PVT1: variants seen among roughly 807,000 people sequenced by gnomAD.
The protein encoded by PVT1 is CXCR4/PVT1 fusion.
intron 3 of PVT1, among the ~76,000 whole-genome samples, chr8:127,927,737 T>C (rs1468924652): frequency 1.3e-5 from 2 of 152,224 alleles, no homozygotes; most frequent in African/African-American, 4.8e-5. Context: ...AAGTCATCTG[T>C]AAGCCGTGCT....
intron 2 of PVT1, among the ~76,000 whole-genome samples, chr8:127,830,760 G>T (rs1563616418): frequency 1.3e-5 from 2 of 152,096 alleles, no homozygotes; most frequent in Non-Finnish European, 2.9e-5. Context: ...GAGTCAGTGG[G>T]CTGGGGAAGG....
At chr8:128,036,405 G>A (rs1013936368) in intron 4 of PVT1, among the ~76,000 whole-genome samples, 8 of 152,170 alleles carry the variant, frequency 5.3e-5, no homozygotes, top group African/African-American at 7.2e-5. Flanking sequence ...GAAGGCACTG[G>A]ATGCTGGAGA....
At chr8:127,970,301 T>TTTTTTTTTG (rs1816750970) in intron 3 of PVT1, among the ~76,000 whole-genome samples, 2 of 124,314 alleles carry the variant, frequency 1.6e-5, no homozygotes, top group African/African-American at 6.0e-5. Flanking sequence ...TTTTTTTTTT[T>TTTTTTTTTG]TTTTTTTTTT....
At chr8:128,012,378 A>G (rs1052003835) in intron 4 of PVT1, among the ~76,000 whole-genome samples, 3 of 152,180 alleles carry the variant, frequency 2.0e-5, no homozygotes, top group African/African-American at 7.2e-5. Context: ...TGGTAAATTC[A>G]TCAACATCAA....
At chr8:127,799,083 GT>G (rs944953004) in intron 2 of PVT1, among the ~76,000 whole-genome samples, 7 of 148,720 alleles carry the variant, frequency 4.7e-5, no homozygotes, top group South Asian at 2.1e-4. Context: ...CGAACTATCT[GT>G]TTTTTTTTTC....
chr8:128,008,022 G>A (rs1586478881), intron 4 of PVT1, among the ~76,000 whole-genome samples: 1 of 152,184 alleles, frequency 6.6e-6, no homozygotes, highest in East Asian at 1.9e-4. Flanking sequence ...ACTTTAGGGA[G>A]AAATTTATTA....
chr8:127,823,964 G>A (rs570584875), intron 2 of PVT1, among the ~76,000 whole-genome samples: 19 of 152,296 alleles, frequency 1.2e-4, no homozygotes, highest in Admixed American at 6.5e-4. Flanking sequence ...AGGCTGAGGC[G>A]GGAGGATCTC....
At chr8:127,856,045 C>T (rs1019576702) in intron 2 of PVT1, among the ~76,000 whole-genome samples, 9 of 152,194 alleles carry the variant, frequency 5.9e-5, no homozygotes, top group Non-Finnish European at 4.4e-5. Flanking sequence ...ATTTCTTGTG[C>T]CTACATCTTT....
intron 2 of PVT1, among the ~76,000 whole-genome samples, chr8:127,808,361 T>G (rs1814551964): frequency 6.6e-6 from 1 of 152,198 alleles, no homozygotes; most frequent in Non-Finnish European, 1.5e-5. Context: ...TCTTTAAATT[T>G]CTTTCAAAAC....
intron 2 of PVT1, among the ~76,000 whole-genome samples, chr8:127,801,912 A>G (rs1814469267): frequency 6.6e-6 from 1 of 151,324 alleles, no homozygotes; most frequent in African/African-American, 2.4e-5. Context: ...TTATTTATTT[A>G]TTTATTTATT....
At chr8:128,101,044 A>C (rs1354243602) in intron 6 of PVT1, 2 of 152,140 alleles carry the variant, frequency 1.3e-5, no homozygotes, top group African/African-American at 4.8e-5. Flanking sequence ...GAAGCAATTC[A>C]GCCCAACAGG....
At chr8:127,950,743 G>C (rs1816496480) in intron 3 of PVT1, among the ~76,000 whole-genome samples, 1 of 152,178 alleles carries the variant, frequency 6.6e-6, no homozygotes, top group African/African-American at 2.4e-5. Context: ...TCACACTCAA[G>C]ATTCAGGTGC....
At position 127,984,715 on chromosome 8, in the gene PVT1, T is replaced by A. The variant is rs146184753; in HGVS notation, n.783-4447T>A. Among the ~76,000 whole-genome samples, 391 of 152,228 alleles carry A rather than the reference T, an allele frequency of 2.6e-3. 10 individuals are homozygous for A. The East Asian group carries it at 0.062, about 24-fold the overall frequency. ...TCTGCCTCCCAGGTTCAAACAATTC[T>A]CCTGCCTCAGCCACCCAAGCAGTTG... On this transcript the variant is annotated intron_variant and non_coding_transcript_variant, in intron 3 of 10. Transcript: ENST00000651587.
intron 5 of PVT1, among the ~76,000 whole-genome samples, chr8:128,095,231 A>G (rs1374521096): frequency 6.6e-6 from 1 of 152,170 alleles, no homozygotes; most frequent in Non-Finnish European, 1.5e-5. Context: ...TGTGCCCCTC[A>G]CAAGTTCTAG....
At chr8:127,835,095 G>T (rs954731612) in intron 2 of PVT1, among the ~76,000 whole-genome samples, 13 of 151,894 alleles carry the variant, frequency 8.6e-5, no homozygotes, top group African/African-American at 3.1e-4. Flanking sequence ...CCAATTACTG[G>T]GTATATACCC....
chr8:127,883,962 A>G (rs1815497724), intron 2 of PVT1, among the ~76,000 whole-genome samples: 1 of 152,274 alleles, frequency 6.6e-6, no homozygotes, highest in African/African-American at 2.4e-5. Context: ...TTGACATTCC[A>G]GCAAACATAT....
chr8:127,998,328 T>G (rs967053753), intron 4 of PVT1: 1 of 152,216 alleles, frequency 6.6e-6, no homozygotes, highest in Admixed American at 6.5e-5. Context: ...TCTCTCCTAT[T>G]TATTTATTTA....
intron 2 of PVT1, among the ~76,000 whole-genome samples, chr8:127,802,064 C>T (rs1017117600): frequency 6.6e-6 from 1 of 151,796 alleles, no homozygotes; most frequent in African/African-American, 2.4e-5. Context: ...TACAGGTGCC[C>T]ACCACCACAC....
At chr8:127,976,429 C>T (rs984044610) in intron 3 of PVT1, among the ~76,000 whole-genome samples, 1 of 152,172 alleles carries the variant, frequency 6.6e-6, no homozygotes, top group Admixed American at 6.5e-5. Flanking sequence ...ATCTTATATG[C>T]AAGCTTTATA....
Sources: gnomAD v4.1 joint callset for allele counts (sites outside exome capture counted in the v4.1 genomes callset) on GRCh38, gnomAD v4.1.1 for gene constraint, MANE v1.5 for transcripts, NCBI Gene and HGNC (gene_info 2026-07-23, HGNC 2026-07-21) for gene names.